GRIA4: variants seen among roughly 807,000 people sequenced by gnomAD.
GRIA4 encodes glutamate receptor 4.
A neutral mutation model predicts 104.0 loss-of-function variants in GRIA4; 34 were observed. The ratio of observed to expected loss-of-function variants is 0.33; its 90% CI spans 0.25 to 0.44. GRIA4 has a LOEUF of 0.44. Among genes scored for constraint, GRIA4 ranks in the 20% least tolerant of loss-of-function variants. The pLI is 1.00. For missense variants in GRIA4, 750 were observed against 1,096.5 expected (o/e 0.68, Z 4.46); for synonymous variants, 386 against 381.9 (o/e 1.01, Z -0.13).
intron 14 of GRIA4, among the ~76,000 whole-genome samples, chr11:105,963,441 G>T: frequency 6.6e-6 from 1 of 152,084 alleles, no homozygotes; most frequent in East Asian, 1.9e-4. Flanking sequence ...CTTTTAACAT[G>T]CACGGAAATC....
chr11:105,883,166 G>T lies in GRIA4; in HGVS notation c.673-4353G>T, dbSNP rs75106401. On this transcript the variant is annotated intron_variant, in intron 5 of 16. Coordinates refer to ENST00000282499, the MANE Select transcript of GRIA4 (RefSeq NM_000829.4). ...TCAATTAGTCACTTCTCTTAAACAC[G>T]TTATTTTGGTAAGGATTATCATCGT... Among the ~76,000 whole-genome samples, 43 of 151,798 alleles carry T rather than the reference G, an allele frequency of 2.8e-4. No individual in the cohort carries two copies. The East Asian group carries it at 7.8e-3, about 27-fold the overall frequency.
intron 2 of GRIA4, 82 bp downstream of exon 2, chr11:105,611,167 A>G (rs1320347520): frequency 1.1e-6 from 1 of 947,306 alleles, no homozygotes; most frequent in African/African-American, 1.6e-5. Flanking sequence ...GCTGATAAGC[A>G]ATTCAGGGAA....
At chr11:105,885,365 A>G (rs1946217560) in intron 5 of GRIA4, among the ~76,000 whole-genome samples, 2 of 152,222 alleles carry the variant, frequency 1.3e-5, no homozygotes, top group Non-Finnish European at 2.9e-5. Flanking sequence ...TCATGGTAAG[A>G]TTCTCAAGGA....
chr11:105,701,244 T>C (rs1380025250), intron 3 of GRIA4, among the ~76,000 whole-genome samples: 1 of 152,212 alleles, frequency 6.6e-6, no homozygotes, highest in Non-Finnish European at 1.5e-5. Context: ...TTTTAACCGC[T>C]AGCTTACAAA....
intron 4 of GRIA4, among the ~76,000 whole-genome samples, chr11:105,846,209 A>C (rs976911046): frequency 1.3e-5 from 2 of 152,278 alleles, no homozygotes; most frequent in East Asian, 3.9e-4. Flanking sequence ...TGTGTCAATA[A>C]TTCTAAAAAT....
At chr11:105,871,562 G>GATT (rs1240639944) in intron 5 of GRIA4, among the ~76,000 whole-genome samples, 1 of 151,130 alleles carries the variant, frequency 6.6e-6, no homozygotes, top group Non-Finnish European at 1.5e-5. Context: ...ATGTCTAACT[G>GATT]ATTTATAAAG....
chr11:105,891,854 T>C (rs527671268), intron 6 of GRIA4, among the ~76,000 whole-genome samples: 42 of 152,302 alleles, frequency 2.8e-4, no homozygotes, highest in African/African-American at 9.4e-4. Flanking sequence ...GCAGGAACAA[T>C]GTCCCTTTTG....
intron 4 of GRIA4, among the ~76,000 whole-genome samples, chr11:105,758,108 G>C (rs954477450): frequency 6.6e-6 from 1 of 152,020 alleles, no homozygotes; most frequent in African/African-American, 2.4e-5. Flanking sequence ...GCTGAGCATG[G>C]TGGTGTGCAC....
chr11:105,799,352 G>A (rs1273852702), intron 4 of GRIA4, among the ~76,000 whole-genome samples: 2 of 152,054 alleles, frequency 1.3e-5, no homozygotes, highest in Non-Finnish European at 2.9e-5. Flanking sequence ...AACTGAGGAT[G>A]GCAGGAATAG....
At chr11:105,810,217 C>A (rs1464448838) in intron 4 of GRIA4, among the ~76,000 whole-genome samples, 4 of 152,122 alleles carry the variant, frequency 2.6e-5, no homozygotes, top group African/African-American at 7.2e-5. Context: ...AAATAACATC[C>A]ATGTATTAAT....
chr11:105,927,170 A>G (rs1012781974), intron 13 of GRIA4, among the ~76,000 whole-genome samples: 5 of 152,156 alleles, frequency 3.3e-5, no homozygotes, highest in African/African-American at 1.2e-4. Flanking sequence ...AGTAACAATG[A>G]AAAGGTAATT....
chr11:105,878,830 G>A (rs537792460), intron 5 of GRIA4, among the ~76,000 whole-genome samples: 9 of 152,340 alleles, frequency 5.9e-5, no homozygotes, highest in African/African-American at 9.6e-5. Flanking sequence ...GCTGGGCTCC[G>A]TAGGGGTGGG....
At chr11:105,874,853 C>T (rs894098615) in intron 5 of GRIA4, among the ~76,000 whole-genome samples, 3 of 152,170 alleles carry the variant, frequency 2.0e-5, no homozygotes, top group Admixed American at 6.6e-5. Flanking sequence ...ATCATGTCAT[C>T]TGCAAATAGA....
chr11:105,661,643 A>T (rs1022016407), intron 3 of GRIA4, among the ~76,000 whole-genome samples: 1 of 151,032 alleles, frequency 6.6e-6, no homozygotes, highest in African/African-American at 2.4e-5. Flanking sequence ...ATTGATGAAA[A>T]AAATTACATC....
chr11:105,822,724 A>G (rs901952732), intron 4 of GRIA4, among the ~76,000 whole-genome samples: 3 of 152,164 alleles, frequency 2.0e-5, no homozygotes, highest in African/African-American at 7.2e-5. Flanking sequence ...TCTTCTTAAC[A>G]TAATAATAGT....
chr11:105,652,932 G>A (rs1343395684), intron 3 of GRIA4, among the ~76,000 whole-genome samples: 2 of 148,754 alleles, frequency 1.3e-5, no homozygotes, highest in African/African-American at 5.1e-5. Flanking sequence ...GTTTGACACA[G>A]AGTCTGGCTC....
At chr11:105,618,889 C>T (rs1164227913) in intron 3 of GRIA4, among the ~76,000 whole-genome samples, 1 of 151,774 alleles carries the variant, frequency 6.6e-6, no homozygotes, top group Non-Finnish European at 1.5e-5. Flanking sequence ...GAAGGGGTCA[C>T]AGAATTCAGA....
intron 10 of GRIA4, chr11:105,912,301 A>T: frequency 1.0e-6 from 1 of 974,062 alleles, no homozygotes; most frequent in African/African-American, 1.8e-5. Flanking sequence ...TTCTTTAAAG[A>T]TCTCTTGGAA....
chr11:105,671,245 C>A (rs1429775807), intron 3 of GRIA4, among the ~76,000 whole-genome samples: 1 of 152,062 alleles, frequency 6.6e-6, no homozygotes, highest in African/African-American at 2.4e-5. Context: ...GACCATTCTA[C>A]CTACCATGGC....
Sources: allele counts gnomAD v4.1 joint callset (sites outside exome capture counted in the v4.1 genomes callset), GRCh38; gene constraint gnomAD v4.1.1; transcripts MANE v1.5; gene names NCBI Gene and HGNC (gene_info 2026-07-23, HGNC 2026-07-21).